FER: variants seen among roughly 807,000 people sequenced by gnomAD.
FER encodes the protein tyrosine-protein kinase Fer.
In FER, 63 loss-of-function variants were observed where a neutral mutation model predicts 111.0. The observed-to-expected ratio is 0.57, with a 90% CI of 0.46 to 0.70. FER has a LOEUF of 0.70. FER is among the 30% of genes least tolerant of loss of function. FER has a pLI of 0.00. For synonymous variants in FER, 327 were observed against 313.9 expected, an observed-to-expected ratio of 1.04 and a Z score of -0.44; for missense variants, 914 against 954.0, an observed-to-expected ratio of 0.96 and a Z score of 0.55.
intron 17 of FER, among the ~76,000 whole-genome samples, chr5:109,169,703 C>A (rs1756906650): frequency 6.6e-6 from 1 of 152,200 alleles, no homozygotes; most frequent in South Asian, 2.1e-4. Context: ...CAAAACTACT[C>A]TAAAAATGCT....
At chr5:108,841,882 A>G (rs992108064) in intron 5 of FER, 2 of 387,930 alleles carry the variant, frequency 5.2e-6, no homozygotes, top group African/African-American at 4.3e-5. Flanking sequence ...AGTACCTGGG[A>G]TTTGTAAGGA....
At chr5:108,833,032 A>G (rs1456812538) in intron 4 of FER, 89 bp downstream of exon 4, 1 of 1,170,854 alleles carries the variant, frequency 8.5e-7, no homozygotes, top group African/African-American at 1.6e-5. Context: ...AAAATTGTTT[A>G]TTCATCATTT....
chr5:108,793,026 A>G (rs775080865), intron 2 of FER, among the ~76,000 whole-genome samples: 5 of 152,336 alleles, frequency 3.3e-5, no homozygotes, highest in African/African-American at 4.8e-5. Context: ...AAACAATTCA[A>G]TTATACAGCT....
intron 13 of FER, among the ~76,000 whole-genome samples, chr5:108,992,098 C>G (rs927746295): frequency 3.3e-5 from 5 of 151,988 alleles, no homozygotes; most frequent in Admixed American, 6.6e-5. Flanking sequence ...ATGCTGCCTT[C>G]AAGCATCTGT....
chr5:108,941,905 A>G (rs1180545892), intron 10 of FER, among the ~76,000 whole-genome samples: 1 of 152,158 alleles, frequency 6.6e-6, no homozygotes, highest in Non-Finnish European at 1.5e-5. Flanking sequence ...AGCAAACCCT[A>G]ATGAAAACTA....
At chr5:108,958,346 G>C (rs1400007137) in intron 12 of FER, among the ~76,000 whole-genome samples, 1 of 151,638 alleles carries the variant, frequency 6.6e-6, no homozygotes, top group Non-Finnish European at 1.5e-5. Context: ...ATCTGTATTT[G>C]TATATATCTT....
chr5:108,830,815 T>G (rs796531007), intron 3 of FER: 19 of 152,408 alleles, frequency 1.2e-4, no homozygotes, highest in African/African-American at 4.6e-4. Flanking sequence ...AGAATGTTTA[T>G]TAGCAGCGTT....
intron 17 of FER, among the ~76,000 whole-genome samples, chr5:109,103,593 G>A (rs550374378): frequency 4.6e-5 from 7 of 152,272 alleles, no homozygotes; most frequent in African/African-American, 1.7e-4. Context: ...CTTGAGGATT[G>A]CTGTATAGTT....
At chr5:108,973,495 T>A (rs988187515) in intron 13 of FER, among the ~76,000 whole-genome samples, 4 of 151,986 alleles carry the variant, frequency 2.6e-5, no homozygotes. Context: ...TTCTTTTTGT[T>A]TTTTTTTGTT....
intron 1 of FER, among the ~76,000 whole-genome samples, chr5:108,754,427 A>C (rs1208945499): frequency 6.6e-6 from 1 of 151,508 alleles, no homozygotes; most frequent in Non-Finnish European, 1.5e-5. Context: ...AAAAAAAAAA[A>C]AAATAGTGTG....
chr5:108,943,364 C>T lies in FER; in HGVS notation c.1237-2766C>T, dbSNP rs148304263. 1.8e-3 allele frequency among the ~76,000 whole-genome samples: 268 copies of T among 152,306 alleles called. 1 individual carries two copies. The highest frequency in any genetic ancestry group is 6.3e-3 in the Admixed American group (96 of 15,280). On this transcript the variant is annotated intron_variant, in intron 10 of 19. Coordinates refer to ENST00000281092, the MANE Select transcript of FER (RefSeq NM_005246.4). ...AGGGTAGTTGAGTAATTTGCTCAGA[C>T]TCATACTCTTTATCCCTTCTGACTT...
intron 16 of FER, among the ~76,000 whole-genome samples, chr5:109,090,233 CT>C (rs1313840093): frequency 1.3e-5 from 2 of 152,042 alleles, no homozygotes; most frequent in Non-Finnish European, 2.9e-5. Flanking sequence ...ATTACAAGCT[CT>C]TAAAAAAGAC....
chr5:109,060,787 T>TATATATATATATATATATAC (rs571418220), intron 16 of FER, among the ~76,000 whole-genome samples: 1 of 149,706 alleles, frequency 6.7e-6, no homozygotes, highest in African/African-American at 2.4e-5. Context: ...TATATATATA[T>TATATATATATATATATATAC]ACACACCAAA....
chr5:109,069,228 A>G (rs2149989492), intron 16 of FER, among the ~76,000 whole-genome samples: 1 of 152,330 alleles, frequency 6.6e-6, no homozygotes, highest in African/African-American at 2.4e-5. Flanking sequence ...TCAGCCATAA[A>G]TGTAGAAAGG....
chr5:109,023,516 C>G (rs1768230337), intron 13 of FER, among the ~76,000 whole-genome samples: 3 of 152,038 alleles, frequency 2.0e-5, no homozygotes, highest in African/African-American at 7.2e-5. Flanking sequence ...AGCCTTAGTT[C>G]CAGTTGTGCC....
chr5:109,083,953 A>AT (rs1777277654), intron 16 of FER, among the ~76,000 whole-genome samples: 2 of 152,212 alleles, frequency 1.3e-5, no homozygotes, highest in Non-Finnish European at 2.9e-5. Context: ...CCATGAAAAA[A>AT]TAATAGGCTA....
Position 108,973,669 on chromosome 5 carries a change from A to G in FER, c.1656+14322A>G, listed in dbSNP as rs188344716. 1.8e-4 allele frequency among the ~76,000 whole-genome samples: 28 copies of G among 152,202 alleles called. No individual in the cohort carries two copies. In the East Asian group the frequency reaches 5.2e-3, roughly 28 times the overall value. On this transcript the variant is annotated intron_variant, in intron 13 of 19. Coordinates refer to ENST00000281092, the MANE Select transcript of FER (RefSeq NM_005246.4). Reference sequence around the variant, plus strand: ...TCAACCTCAGCAAAAATCAGTTACAATTTCTTATGTGTCTCTTAGTAATCA... The same window carrying G: ...TCAACCTCAGCAAAAATCAGTTACAGTTTCTTATGTGTCTCTTAGTAATCA...
chr5:108,919,020 T>A (rs541800367), intron 10 of FER, among the ~76,000 whole-genome samples: 188 of 152,320 alleles, frequency 1.2e-3, no homozygotes, highest in African/African-American at 4.5e-3. Context: ...TTAAAACAAT[T>A]AGATAATTTC....
chr5:109,034,395 T>C (rs1187533610), intron 13 of FER, among the ~76,000 whole-genome samples: 1 of 152,010 alleles, frequency 6.6e-6, no homozygotes, highest in Non-Finnish European at 1.5e-5. Flanking sequence ...CATTTCGAGG[T>C]TACTTTTTCT....
Sources: gnomAD v4.1 joint callset for allele counts (sites outside exome capture counted in the v4.1 genomes callset) on GRCh38, gnomAD v4.1.1 for gene constraint, MANE v1.5 for transcripts, NCBI Gene and HGNC (gene_info 2026-07-23, HGNC 2026-07-21) for gene names.